The following ZNF273 variants were observed in gnomAD, a reference collection of about 807,000 sequenced individuals.
ZNF273 encodes the protein zinc finger protein 9.
In ZNF273, 11 loss-of-function variants were observed where a neutral mutation model predicts 14.9. The observed-to-expected ratio is 0.74, with a 90% CI of 0.46 to 1.22. The LOEUF (loss-of-function observed/expected upper bound fraction) is 1.22, where lower values mean the gene tolerates loss of function less well. ZNF273 is among the 50% of genes most tolerant of loss of function. The pLI, the probability that ZNF273 is intolerant of heterozygous loss-of-function variation, is 0.00. For missense variants in ZNF273, 577 were observed against 660.6 expected (o/e 0.87, Z 1.39); for synonymous variants, 199 against 223.9 (o/e 0.89, Z 0.99).
chr7:64,920,903 G>T (rs1300792776), intron 3 of ZNF273, among the ~76,000 whole-genome samples: 1 of 152,108 alleles, frequency 6.6e-6, no homozygotes, highest in Non-Finnish European at 1.5e-5. Flanking sequence ...TCTCATAGAG[G>T]CATTTTTGTC....
downstream of ZNF273, among the ~76,000 whole-genome samples, chr7:64,935,260 T>C (rs1215317508): frequency 6.6e-6 from 1 of 152,220 alleles, no homozygotes; most frequent in East Asian, 1.9e-4. Context: ...CCTTTGATTT[T>C]ATTCTCTAAA....
upstream of ZNF273, among the ~76,000 whole-genome samples, chr7:64,900,105 T>G (rs1466397331): frequency 6.6e-6 from 1 of 151,918 alleles, no homozygotes; most frequent in Non-Finnish European, 1.5e-5. Flanking sequence ...TTTATGCTTT[T>G]TCTTTTCTCT....
Position 64,928,990 on chromosome 7 carries a change from C to G in ZNF273, c.1662C>G (p.Thr554=). 2 of 1,578,800 alleles carry G rather than the reference C, an allele frequency of 1.3e-6. No homozygotes were observed. The highest frequency in any genetic ancestry group is 8.6e-7 in the Non-Finnish European group (1 of 1,165,802). Residue 554 remains threonine, a synonymous_variant, in exon 4 of 4, where the codon ACC becomes ACG. Transcript: ENST00000476120. ...PKRCDSAFDN[T]PNFSRHKRNH... Reference sequence around the variant, plus strand: ...GATGTGACAGTGCTTTTGACAACACCCCAAACTTTTCTAGACATAAAAGAA... The same window carrying G: ...GATGTGACAGTGCTTTTGACAACACGCCAAACTTTTCTAGACATAAAAGAA...
chr7:64,921,689 G>A (rs1310000509), intron 3 of ZNF273, among the ~76,000 whole-genome samples: 2 of 128,200 alleles, frequency 1.6e-5, no homozygotes, highest in African/African-American at 3.1e-5. Context: ...ACAATGGCAC[G>A]ATCTCGGCTC....
At chr7:64,920,406 A>G (rs1292400180) in intron 3 of ZNF273, among the ~76,000 whole-genome samples, 1 of 152,184 alleles carries the variant, frequency 6.6e-6, no homozygotes, top group Non-Finnish European at 1.5e-5. Flanking sequence ...AGAACCGGCC[A>G]TGAACTGTAG....
intron 3 of ZNF273, among the ~76,000 whole-genome samples, chr7:64,922,587 C>T (rs1432523634): frequency 6.6e-6 from 1 of 151,852 alleles, no homozygotes; most frequent in African/African-American, 2.4e-5. Flanking sequence ...GCTGGGATTA[C>T]AGGTGTGAGC....
At chr7:64,912,248 C>A (rs1283445341) in intron 1 of ZNF273, among the ~76,000 whole-genome samples, 3 of 152,252 alleles carry the variant, frequency 2.0e-5, no homozygotes, top group Non-Finnish European at 4.4e-5. Flanking sequence ...CGTGAGCCAC[C>A]ATGCCTGGCC....
downstream of ZNF273, among the ~76,000 whole-genome samples, chr7:64,890,499 G>A (rs982596714): frequency 7.2e-5 from 11 of 152,188 alleles, no homozygotes; most frequent in African/African-American, 1.4e-4. Context: ...TGGGGAGGAC[G>A]AACTCCCTTC....
intron 1 of ZNF273, among the ~76,000 whole-genome samples, chr7:64,904,401 GA>G: frequency 6.6e-6 from 1 of 152,162 alleles, no homozygotes; most frequent in South Asian, 2.1e-4. Context: ...ATTTGAGTTA[GA>G]TTTTTTTAAA....
downstream of ZNF273, chr7:64,893,423 G>T (rs1006948042): frequency 1.3e-5 from 2 of 152,192 alleles, no homozygotes; most frequent in Non-Finnish European, 2.9e-5. Context: ...AATCTTTAGA[G>T]ATGGATCATT....
intron 1 of ZNF273, among the ~76,000 whole-genome samples, chr7:64,911,274 A>AGGT (rs938495202): frequency 2.1e-5 from 3 of 144,168 alleles, no homozygotes; most frequent in Non-Finnish European, 3.0e-5. Flanking sequence ...ATTATAGTGA[A>AGGT]CTAGCCTTTT....
At chr7:64,915,326 C>A (rs1307928543) in intron 1 of ZNF273, among the ~76,000 whole-genome samples, 4 of 152,104 alleles carry the variant, frequency 2.6e-5, no homozygotes, top group Admixed American at 6.5e-5. Context: ...AAGACACACA[C>A]AGAAATATAG....
chr7:64,904,546 A>C (rs1454682796), intron 1 of ZNF273, among the ~76,000 whole-genome samples: 6 of 151,926 alleles, frequency 3.9e-5, no homozygotes, highest in Non-Finnish European at 7.4e-5. Flanking sequence ...ACTACTCCCC[A>C]CCCCCAATTC....
intron 1 of ZNF273, among the ~76,000 whole-genome samples, chr7:64,912,826 G>GTTTTTTATTTTTTTTTTTTTTTTT: frequency 2.7e-5 from 1 of 36,568 alleles, no homozygotes; most frequent in African/African-American, 8.2e-5. Flanking sequence ...ATTCATTTTA[G>GTTTTTTATTTTTTTTTTTTTTTTT]TTTTTTTTTT....
intron 3 of ZNF273, among the ~76,000 whole-genome samples, chr7:64,921,007 T>G (rs1418025365): frequency 6.6e-6 from 1 of 152,088 alleles, no homozygotes; most frequent in Non-Finnish European, 1.5e-5. Context: ...CCCTACATAG[T>G]TTTACTTTCT....
At chr7:64,886,590 A>C (rs1399131951) in intron 1 of ZNF273, among the ~76,000 whole-genome samples, 1 of 152,228 alleles carries the variant, frequency 6.6e-6, no homozygotes, top group Non-Finnish European at 1.5e-5. Context: ...GTGCACTCAC[A>C]AACTCAACCA....
chr7:64,918,832 C>G (rs1425617875), intron 3 of ZNF273, among the ~76,000 whole-genome samples: 2 of 151,746 alleles, frequency 1.3e-5, no homozygotes, highest in Admixed American at 6.6e-5. Flanking sequence ...GATTTTCCTT[C>G]AAGTTTATGG....
downstream of ZNF273, among the ~76,000 whole-genome samples, chr7:64,883,226 C>A (rs1419515083): frequency 2.0e-5 from 3 of 148,396 alleles, no homozygotes; most frequent in South Asian, 4.5e-4. Context: ...CCCCCCCTCA[C>A]CAAGCAGCAA....
downstream of ZNF273, chr7:64,882,683 C>T (rs1791303372): frequency 6.6e-6 from 1 of 152,402 alleles, no homozygotes; most frequent in South Asian, 2.1e-4. Flanking sequence ...AGGGGCGAGC[C>T]AGCCTGAGGA....
Sources: gnomAD v4.1 joint callset for allele counts (sites outside exome capture counted in the v4.1 genomes callset) on GRCh38, gnomAD v4.1.1 for gene constraint, MANE v1.5 for transcripts, NCBI Gene and HGNC (gene_info 2026-07-23, HGNC 2026-07-21) for gene names.